LRRC7: variants seen among roughly 807,000 people sequenced by gnomAD.
LRRC7 encodes the protein leucine-rich repeat-containing protein 7.
A neutral mutation model predicts 175.7 loss-of-function variants in LRRC7; 23 were observed. The observed-to-expected ratio is 0.13, with a 90% CI of 0.09 to 0.19. The LOEUF (loss-of-function observed/expected upper bound fraction) is 0.19, where lower values mean the gene tolerates loss of function less well. LRRC7 is among the 10% of genes least tolerant of loss of function. LRRC7 has a pLI of 1.00. For synonymous variants in LRRC7, 685 were observed against 680.9 expected, an observed-to-expected ratio of 1.01 and a Z score of -0.09; for missense variants, 1,354 against 1,904.7, an observed-to-expected ratio of 0.71 and a Z score of 5.38.
intron 1 of LRRC7, among the ~76,000 whole-genome samples, chr1:69,672,022 A>G (rs1451125957): frequency 6.6e-6 from 1 of 152,120 alleles, no homozygotes; most frequent in Non-Finnish European, 1.5e-5. Context: ...AATTTTTTTT[A>G]TTATACTTTA....
In LRRC7 at chr1:70,089,452, G is replaced by T. The variant is rs549385284; in HGVS notation, c.4453-275G>T. On this transcript the variant is annotated intron_variant, in intron 24 of 26. Coordinates refer to ENST00000651989, the MANE Select transcript of LRRC7 (RefSeq NM_001370785.2). ...TATAAGACTTTTAACTTTTAAAAAT[G>T]GCTAATCAAAATTTAGTCCTGTACA... Among the ~76,000 whole-genome samples the T allele has an allele frequency of 2.3e-3, 356 of 152,190 alleles. 1 individual carries two copies. The highest frequency in any genetic ancestry group is 8.4e-3 in the African/African-American group (347 of 41,518).
chr1:69,597,413 T>C (rs1030179781), intron 1 of LRRC7, among the ~76,000 whole-genome samples: 12 of 152,184 alleles, frequency 7.9e-5, no homozygotes, highest in African/African-American at 2.9e-4. Flanking sequence ...AAGACCTTAA[T>C]ATGTTGCCTA....
chr1:69,574,743 T>C (rs961134819), intron 1 of LRRC7, among the ~76,000 whole-genome samples: 3 of 152,140 alleles, frequency 2.0e-5, no homozygotes, highest in African/African-American at 7.2e-5. Flanking sequence ...TACAGAATCA[T>C]GTTGGATGGA....
chr1:69,873,047 A>G (rs896882716), intron 7 of LRRC7, among the ~76,000 whole-genome samples: 2 of 152,118 alleles, frequency 1.3e-5, no homozygotes, highest in African/African-American at 4.8e-5. Context: ...GTCCATTTCT[A>G]TTATGCCTTA....
Position 69,901,064 on chromosome 1 carries a change from G to T in LRRC7, c.648-30443G>T, listed in dbSNP as rs377081751. On this transcript the variant is annotated intron_variant, in intron 7 of 26. Coordinates refer to ENST00000651989, the MANE Select transcript of LRRC7 (RefSeq NM_001370785.2). ...ATTTAGACTTTTTCTTTAAATAATT[G>T]TATTTCTGAGCCCAGAAATGATATG... Among the ~76,000 whole-genome samples, 11 of 152,178 alleles carry T rather than the reference G, an allele frequency of 7.2e-5. No individual in the cohort carries two copies. The East Asian group carries it at 9.7e-4, about 13-fold the overall frequency.
intron 7 of LRRC7, chr1:69,875,048 ATG>A (rs1370497969): frequency 1.3e-5 from 2 of 152,216 alleles, no homozygotes; most frequent in East Asian, 3.9e-4. Context: ...TAGTTTTATA[ATG>A]TGTTCTTATG....
At chr1:69,707,484 T>C (rs1384280624) in intron 2 of LRRC7, among the ~76,000 whole-genome samples, 1 of 152,160 alleles carries the variant, frequency 6.6e-6, no homozygotes, top group African/African-American at 2.4e-5. Flanking sequence ...TTCCCTGTTT[T>C]ATTTCTTTAC....
intron 8 of LRRC7, among the ~76,000 whole-genome samples, chr1:69,934,303 T>G (rs1647718423): frequency 1.3e-5 from 2 of 152,070 alleles, no homozygotes; most frequent in Non-Finnish European, 2.9e-5. Flanking sequence ...GAAGGCCTAA[T>G]GAGAACAGAA....
chr1:69,962,727 A>G (rs1651227712), intron 8 of LRRC7, among the ~76,000 whole-genome samples: 1 of 152,188 alleles, frequency 6.6e-6, no homozygotes, highest in Admixed American at 6.5e-5. Context: ...ACACAGGAAC[A>G]GAAAACCAAA....
At chr1:69,826,890 T>C (rs977112412) in intron 5 of LRRC7, among the ~76,000 whole-genome samples, 2 of 152,068 alleles carry the variant, frequency 1.3e-5, no homozygotes, top group African/African-American at 4.8e-5. Context: ...CTATGGATGA[T>C]GGGAAGAGGC....
At chr1:70,116,450 G>C (rs1431650322) in intron 26 of LRRC7, among the ~76,000 whole-genome samples, 1 of 151,848 alleles carries the variant, frequency 6.6e-6, no homozygotes, top group African/African-American at 2.4e-5. Context: ...GGGAGGCTGA[G>C]GCGGGAGAAT....
intron 1 of LRRC7, among the ~76,000 whole-genome samples, chr1:69,609,559 T>C (rs1426392334): frequency 6.6e-6 from 1 of 152,102 alleles, no homozygotes; most frequent in African/African-American, 2.4e-5. Flanking sequence ...TGTACTATTA[T>C]AATTACCATC....
chr1:69,760,488 T>A (rs1670919497), intron 3 of LRRC7, 95 bp downstream of exon 3: 2 of 996,560 alleles, frequency 2.0e-6, no homozygotes, highest in Non-Finnish European at 3.0e-6. Flanking sequence ...TGGGCTCCTA[T>A]CTAGGTAACT....
chr1:69,834,434 A>G (rs1336161481), intron 5 of LRRC7, among the ~76,000 whole-genome samples: 1 of 152,164 alleles, frequency 6.6e-6, no homozygotes, highest in Non-Finnish European at 1.5e-5. Context: ...CATTAGTTTT[A>G]AAATTACAAA....
intron 8 of LRRC7, among the ~76,000 whole-genome samples, chr1:69,972,021 G>T (rs975407860): frequency 2.0e-5 from 3 of 152,170 alleles, no homozygotes; most frequent in Non-Finnish European, 2.9e-5. Context: ...GTAAAGTGGA[G>T]AAAGGACACC....
chr1:69,714,883 A>G (rs536140787), intron 2 of LRRC7, among the ~76,000 whole-genome samples: 1 of 152,266 alleles, frequency 6.6e-6, no homozygotes, highest in African/African-American at 2.4e-5. Flanking sequence ...TATTATCAGG[A>G]AATTATGTCT....
intron 24 of LRRC7, among the ~76,000 whole-genome samples, chr1:70,089,003 T>C (rs1402045644): frequency 6.6e-6 from 1 of 152,122 alleles, no homozygotes; most frequent in Non-Finnish European, 1.5e-5. Flanking sequence ...TGCCCTTGTG[T>C]TGCGTATTGG....
chr1:69,802,989 T>A (rs1162470690), intron 4 of LRRC7, among the ~76,000 whole-genome samples: 1 of 151,378 alleles, frequency 6.6e-6, no homozygotes, highest in Non-Finnish European at 1.5e-5. Flanking sequence ...TCTTTTCCCA[T>A]GTGAATAGAT....
At chr1:69,941,058 A>C (rs1648657701) in intron 8 of LRRC7, among the ~76,000 whole-genome samples, 1 of 152,090 alleles carries the variant, frequency 6.6e-6, no homozygotes, top group Admixed American at 6.6e-5. Context: ...GAGCCATGCA[A>C]ATATCTGGCT....
Sources: gnomAD v4.1 joint callset for allele counts (sites outside exome capture counted in the v4.1 genomes callset) on GRCh38, gnomAD v4.1.1 for gene constraint, MANE v1.5 for transcripts, NCBI Gene and HGNC (gene_info 2026-07-23, HGNC 2026-07-21) for gene names.